The following MYO3B variants were observed in gnomAD, a reference collection of about 807,000 sequenced individuals.
The protein encoded by MYO3B is myosin IIIB, also known as myosin-IIIb.
Under a neutral mutation model 174.6 loss-of-function variants are expected in MYO3B, and 156 were observed. The observed-to-expected ratio is 0.89, with a 90% CI of 0.78 to 1.02. The LOEUF is 1.02. Ranked by LOEUF, MYO3B falls within the 50% of genes least tolerant of loss-of-function variation. MYO3B has a pLI of 0.00. For missense variants in MYO3B, 1,632 were observed against 1,639.4 expected, an observed-to-expected ratio of 1.00 and a Z score of 0.08; for synonymous variants, 563 against 569.1, an observed-to-expected ratio of 0.99 and a Z score of 0.15.
chr2:170,630,591 C>T (rs963501252), intron 32 of MYO3B, among the ~76,000 whole-genome samples: 19 of 152,194 alleles, frequency 1.2e-4, no homozygotes, highest in Non-Finnish European at 4.4e-5. Flanking sequence ...AGATAGCCTG[C>T]CTCCTCAAGT....
intron 30 of MYO3B, among the ~76,000 whole-genome samples, chr2:170,521,499 G>A (rs13010406): frequency 0.42 from 63,605 of 151,942 alleles, 14,101 homozygotes; most frequent in East Asian, 0.49. Context: ...AGAACACCAG[G>A]ACAGTGCTCT....
chr2:170,401,802 CTTTTTTT>C, intron 18 of MYO3B, 111 bp downstream of exon 18: 1 of 698,088 alleles, frequency 1.4e-6, no homozygotes, highest in Non-Finnish European at 2.2e-6. Context: ...CTTTCTTTTT[CTTTTTTT>C]TTTTTTTTGT....
chr2:170,253,575 A>G (rs1265844755), intron 7 of MYO3B, among the ~76,000 whole-genome samples: 1 of 152,198 alleles, frequency 6.6e-6, no homozygotes, highest in Non-Finnish European at 1.5e-5. Context: ...TAGAAATTTA[A>G]TGTCATGGGA....
At chr2:170,239,058 T>G (rs2093103135) in intron 7 of MYO3B, among the ~76,000 whole-genome samples, 1 of 152,222 alleles carries the variant, frequency 6.6e-6, no homozygotes, top group South Asian at 2.1e-4. Context: ...CTAACGCCTT[T>G]GCTCCAAAAA....
intron 32 of MYO3B, among the ~76,000 whole-genome samples, chr2:170,575,577 T>C (rs999450795): frequency 2.0e-5 from 3 of 152,188 alleles, no homozygotes; most frequent in African/African-American, 7.2e-5. Flanking sequence ...TTTCTAACCA[T>C]TTAAAAATGT....
At chr2:170,542,822 T>A (rs888125287) in intron 30 of MYO3B, 84 bp from the exon 31 acceptor site, 1 of 1,049,342 alleles carries the variant, frequency 9.5e-7, no homozygotes, top group Non-Finnish European at 1.4e-6. Flanking sequence ...TTTTGATATA[T>A]CTTTGAAGAA....
chr2:170,236,983 G>T (rs988725841), intron 7 of MYO3B, among the ~76,000 whole-genome samples: 3 of 152,150 alleles, frequency 2.0e-5, no homozygotes, highest in Non-Finnish European at 4.4e-5. Flanking sequence ...TTTCTGATTA[G>T]GTCTATTTAT....
intron 25 of MYO3B, among the ~76,000 whole-genome samples, chr2:170,469,720 C>T (rs1453164713): frequency 1.3e-5 from 2 of 152,166 alleles, no homozygotes; most frequent in African/African-American, 4.8e-5. Context: ...TCTCTCATCC[C>T]TTCTCCCATA....
chr2:170,637,997 TC>T (rs1697653173), intron 32 of MYO3B, among the ~76,000 whole-genome samples: 1 of 152,178 alleles, frequency 6.6e-6, no homozygotes, highest in African/African-American at 2.4e-5. Flanking sequence ...CATTTTTACA[TC>T]TTATTAATTA....
chr2:170,460,188 T>C (rs1684182340), intron 23 of MYO3B, among the ~76,000 whole-genome samples: 1 of 152,026 alleles, frequency 6.6e-6, no homozygotes, highest in Non-Finnish European at 1.5e-5. Context: ...TGTTGTCACC[T>C]CTCAATATCA....
At chr2:170,460,592 A>G (rs898651675) in intron 23 of MYO3B, among the ~76,000 whole-genome samples, 4 of 149,638 alleles carry the variant, frequency 2.7e-5, no homozygotes, top group African/African-American at 9.8e-5. Flanking sequence ...TCCAGGTTGT[A>G]TATGTCAAAG....
At chr2:170,286,589 T>A (rs992735822) in intron 7 of MYO3B, among the ~76,000 whole-genome samples, 2 of 152,156 alleles carry the variant, frequency 1.3e-5, no homozygotes, top group Admixed American at 1.3e-4. Context: ...TTAGGAACAG[T>A]ATGTCAAGTT....
intron 9 of MYO3B, among the ~76,000 whole-genome samples, chr2:170,380,516 T>G (rs996141531): frequency 2.6e-5 from 4 of 152,174 alleles, no homozygotes; most frequent in African/African-American, 9.7e-5. Flanking sequence ...ACTCTGAAAC[T>G]AGGGTCCAGA....
intron 32 of MYO3B, among the ~76,000 whole-genome samples, chr2:170,550,672 A>G (rs954494815): frequency 6.6e-6 from 1 of 152,226 alleles, no homozygotes; most frequent in African/African-American, 2.4e-5. Flanking sequence ...TAATACGATT[A>G]TAATATCTTG....
chr2:170,484,342 C>T (rs1685890776), intron 25 of MYO3B, among the ~76,000 whole-genome samples: 1 of 152,066 alleles, frequency 6.6e-6, no homozygotes, highest in Non-Finnish European at 1.5e-5. Flanking sequence ...GGTGGTTGAA[C>T]ACATCTGAAT....
chr2:170,474,188 G>T (rs1685164766), intron 25 of MYO3B, among the ~76,000 whole-genome samples: 1 of 152,078 alleles, frequency 6.6e-6, no homozygotes, highest in Non-Finnish European at 1.5e-5. Context: ...GGCAAAGATG[G>T]TCCCTGGATG....
intron 23 of MYO3B, among the ~76,000 whole-genome samples, chr2:170,447,553 ACAAATGAGG>A (rs1174080655): frequency 6.6e-6 from 1 of 152,226 alleles, no homozygotes; most frequent in African/African-American, 2.4e-5. Flanking sequence ...AACTTAGTTG[ACAAATGAGG>A]CAAATCTTTT....
intron 16 of MYO3B, among the ~76,000 whole-genome samples, chr2:170,393,978 T>C (rs953598558): frequency 2.0e-5 from 3 of 152,138 alleles, no homozygotes; most frequent in African/African-American, 7.2e-5. Context: ...TAAAGCATGG[T>C]AGGAATGGCA....
At chr2:170,214,930 G>A in intron 5 of MYO3B, 102 bp downstream of exon 5, 1 of 863,370 alleles carries the variant, frequency 1.2e-6, no homozygotes, top group Non-Finnish European at 1.9e-6. Context: ...CTACACCATA[G>A]GCTGAGGGAC....
Sources: gnomAD v4.1 joint callset for allele counts (sites outside exome capture counted in the v4.1 genomes callset) on GRCh38, gnomAD v4.1.1 for gene constraint, MANE v1.5 for transcripts, NCBI Gene and HGNC (gene_info 2026-07-23, HGNC 2026-07-21) for gene names.